ANXA6: variants seen among roughly 807,000 people sequenced by gnomAD.
ANXA6 encodes annexin A6.
ANXA6 carries 71 observed loss-of-function variants against 95.4 expected under a neutral mutation model. The observed-to-expected ratio is 0.74, with a 90% CI of 0.61 to 0.91. ANXA6 has a LOEUF of 0.91. Ranked by LOEUF, ANXA6 falls within the 40% of genes least tolerant of loss-of-function variation. The pLI, the probability that ANXA6 is intolerant of heterozygous loss-of-function variation, is 0.00. For missense variants in ANXA6, 830 were observed against 876.4 expected (o/e 0.95, Z 0.67); for synonymous variants, 289 against 315.9 (o/e 0.91, Z 0.90).
chr5:151,110,965 T>A (rs1764832238), intron 20 of ANXA6, among the ~76,000 whole-genome samples: 2 of 152,166 alleles, frequency 1.3e-5, no homozygotes, highest in African/African-American at 4.8e-5. Context: ...CCAGAGGAGA[T>A]TCCAGGCCTG....
In ANXA6 at chr5:151,108,517, T is replaced by A. The variant is rs1764762002; in HGVS notation, c.1718A>T (p.Asp573Val). 1.2e-6 allele frequency: 2 copies of A among 1,613,770 alleles called. No homozygotes were observed. The highest frequency in any genetic ancestry group is 1.1e-5 in the South Asian group (1 of 91,072). Residue 573 changes from aspartate to valine, a missense_variant, in exon 23 of 26, where the codon GAC (aspartate) becomes GTC (valine). Asp to Val is a radical substitution (Grantham distance 152, BLOSUM62 -3). Coordinates refer to ENST00000354546, the MANE Select transcript of ANXA6 (RefSeq NM_001155.5). ...FQEFIKMTNY[D>V]VEHTIKKEMS... ...CTCCTTCTTGATGGTGTGCTCCACG[T>A]CATAGTTGGTCATCTTGATGAACTC...
chr5:151,114,325 G>A (rs920653148), intron 20 of ANXA6, among the ~76,000 whole-genome samples: 1 of 152,032 alleles, frequency 6.6e-6, no homozygotes, highest in Admixed American at 6.6e-5. Flanking sequence ...ATTTTTAAAA[G>A]CCTGGGCCAG....
intron 7 of ANXA6, among the ~76,000 whole-genome samples, chr5:151,135,389 C>T (rs1367921709): frequency 4.6e-5 from 7 of 152,194 alleles, no homozygotes; most frequent in African/African-American, 1.7e-4. Context: ...TGAGGTTTCT[C>T]CTGATCATTC....
intron 11 of ANXA6, 125 bp from the exon 12 acceptor site, chr5:151,129,654 C>T: frequency 9.1e-7 from 1 of 1,099,520 alleles, no homozygotes; most frequent in Non-Finnish European, 1.3e-6. Context: ...AAGAAGCAGA[C>T]ATTGCCATTC....
chr5:151,132,649 G>T, intron 9 of ANXA6, 78 bp from the exon 10 acceptor site: 1 of 1,219,074 alleles, frequency 8.2e-7, no homozygotes. Flanking sequence ...CAAGAGCAGG[G>T]GGGCACAGTG....
chr5:151,130,629 C>T (rs552745065), intron 11 of ANXA6, among the ~76,000 whole-genome samples: 1 of 152,362 alleles, frequency 6.6e-6, no homozygotes, highest in East Asian at 1.9e-4. Flanking sequence ...TGCCCAACCT[C>T]ATTATGGCAC....
intron 20 of ANXA6, among the ~76,000 whole-genome samples, chr5:151,116,545 A>G (rs1765004178): frequency 6.6e-6 from 1 of 152,270 alleles, no homozygotes. Context: ...CAGAGCAGCC[A>G]AGAGACTCCT....
intron 8 of ANXA6, 99 bp downstream of exon 8, chr5:151,134,328 T>G: frequency 8.6e-7 from 1 of 1,156,748 alleles, no homozygotes. Context: ...TGGTATTTGA[T>G]GCAAATGACT....
At chr5:151,110,970 G>C (rs1764832317) in intron 20 of ANXA6, among the ~76,000 whole-genome samples, 1 of 152,146 alleles carries the variant, frequency 6.6e-6, no homozygotes, top group African/African-American at 2.4e-5. Context: ...GGAGATTCCA[G>C]GCCTGTTTCT....
rs76908695 is a variant in ANXA6 at position 151,125,945 on chromosome 5, T to C, written c.1056+457A>G. On this transcript the variant is annotated intron_variant, in intron 14 of 25. Transcript: ENST00000354546. ...CATGCTTTTTTGTGTGGACCAAGTG[T>C]TGCAGTCTCTGGAATGGTTTGCCTA... Among the ~76,000 whole-genome samples the C allele has an allele frequency of 8.1e-3, 1,230 of 152,290 alleles. 12 individuals carry two copies. The highest frequency in any genetic ancestry group is 0.028 in the African/African-American group (1,143 of 41,536).
chr5:151,114,739 C>T (rs1017658313), intron 20 of ANXA6, among the ~76,000 whole-genome samples: 1 of 147,206 alleles, frequency 6.8e-6, no homozygotes. Context: ...AATTGGACAA[C>T]AGAGTGAAAG....
In ANXA6 at chr5:151,134,454, G is replaced by C; in HGVS notation, c.519C>G (p.Ser173Arg). The change falls in exon 8 of 26, where the codon AGC (serine) becomes AGG (arginine). Residue 173 changes from serine to arginine, a missense_variant. Transcript: ENST00000354546. ...GGACATCCTGTTGTACCAGGTCCTC[G>C]CTCACTACGTCATCCTCCTCCCTGG... The part of the protein sequence containing the change: ...QGTREEDDVV[S>R]EDLVQQDVQD... 1 of 1,613,940 alleles carries C rather than the reference G, an allele frequency of 6.2e-7. No individual in the cohort carries two copies. Among genetic ancestry groups the C allele is most frequent in the Non-Finnish European group, 8.5e-7 (1 of 1,179,878 alleles).
intron 20 of ANXA6, among the ~76,000 whole-genome samples, chr5:151,114,736 C>G (rs778260546): frequency 6.2e-4 from 92 of 147,890 alleles, no homozygotes; most frequent in Non-Finnish European, 8.9e-4. Flanking sequence ...TCTAATTGGA[C>G]AACAGAGTGA....
intron 12 of ANXA6, among the ~76,000 whole-genome samples, chr5:151,128,603 C>T (rs963119257): frequency 1.3e-5 from 2 of 152,162 alleles, no homozygotes. Flanking sequence ...AGTCCTTCCA[C>T]ATGAAATATG....
rs747837921 is a variant in ANXA6 at position 151,138,660 on chromosome 5, T to TA, written c.318+17dup. The TA allele has an allele frequency of 6.6e-5, 105 of 1,584,262 alleles. No individual in the cohort carries two copies. The East Asian group carries it at 2.1e-3, about 32-fold the overall frequency. ...ACCACATCCCCACCCCAACACCACA[T>TA]ACACCCCCACTTCTTACCGAGATGG... On this transcript the variant is annotated intron_variant, in intron 5 of 25. Transcript: ENST00000354546.
At chr5:151,148,851 T>C (rs1766034764) in intron 1 of ANXA6, among the ~76,000 whole-genome samples, 1 of 151,998 alleles carries the variant, frequency 6.6e-6, no homozygotes, top group Non-Finnish European at 1.5e-5. Flanking sequence ...ATGTAGGATC[T>C]GAGACCGGTG....
intron 13 of ANXA6, among the ~76,000 whole-genome samples, chr5:151,126,873 C>A (rs985291114): frequency 2.6e-5 from 4 of 152,188 alleles, no homozygotes; most frequent in African/African-American, 9.7e-5. Context: ...CCCGCCATCA[C>A]GCCTGGCTAA....
chr5:151,153,828 C>T (rs773058864), intron 1 of ANXA6, among the ~76,000 whole-genome samples: 11 of 152,116 alleles, frequency 7.2e-5, no homozygotes, highest in Non-Finnish European at 1.6e-4. Flanking sequence ...GTTATAACAT[C>T]GGCCTGGTGT....
intron 24 of ANXA6, among the ~76,000 whole-genome samples, chr5:151,103,944 T>A (rs1764621596): frequency 6.6e-6 from 1 of 152,182 alleles, no homozygotes; most frequent in Non-Finnish European, 1.5e-5. Flanking sequence ...CAGAACATGA[T>A]GTAATTTGGA....
Sources: allele counts gnomAD v4.1 joint callset (sites outside exome capture counted in the v4.1 genomes callset), GRCh38; gene constraint gnomAD v4.1.1; transcripts MANE v1.5; gene names NCBI Gene and HGNC (gene_info 2026-07-23, HGNC 2026-07-21).